MAGI1: variants seen among roughly 807,000 people sequenced by gnomAD.
MAGI1 encodes the protein membrane-associated guanylate kinase, WW and PDZ domain-containing protein 1.
Under a neutral mutation model 139.9 loss-of-function variants are expected in MAGI1, and 58 were observed. The observed-to-expected ratio is 0.41, with a 90% CI of 0.34 to 0.52. The LOEUF is 0.52. Ranked by LOEUF, MAGI1 falls within the 20% of genes least tolerant of loss-of-function variation. MAGI1 has a pLI of 0.12. For missense variants in MAGI1, 1,874 were observed against 1,901.6 expected (o/e 0.99, Z 0.27); for synonymous variants, 812 against 737.9 (o/e 1.10, Z -1.63).
chr3:65,901,110 T>A (rs1264849735), intron 1 of MAGI1, among the ~76,000 whole-genome samples: 2 of 152,340 alleles, frequency 1.3e-5, no homozygotes, highest in East Asian at 3.9e-4. Context: ...ACAGTAAACA[T>A]CCTCTTTTTA....
chr3:65,611,285 G>A (rs1272443234), intron 2 of MAGI1, among the ~76,000 whole-genome samples: 2 of 139,314 alleles, frequency 1.4e-5, no homozygotes, highest in African/African-American at 5.3e-5. Context: ...AAATAGTATA[G>A]TATACTATGT....
chr3:66,025,727 T>G (rs1166473442), intron 1 of MAGI1, among the ~76,000 whole-genome samples: 2 of 152,174 alleles, frequency 1.3e-5, no homozygotes, highest in African/African-American at 4.8e-5. Flanking sequence ...TGTGTATGTG[T>G]ACGTCTGGAT....
chr3:65,807,436 A>C (rs1401935658), intron 1 of MAGI1, among the ~76,000 whole-genome samples: 3 of 152,224 alleles, frequency 2.0e-5, no homozygotes, highest in East Asian at 3.9e-4. Flanking sequence ...ACTTAATCAC[A>C]GCCTAAAGGC....
At chr3:65,558,021 T>C (rs1559669309) in intron 2 of MAGI1, among the ~76,000 whole-genome samples, 1 of 152,124 alleles carries the variant, frequency 6.6e-6, no homozygotes, top group East Asian at 1.9e-4. Flanking sequence ...AACAATAAAA[T>C]AGGATCTGAT....
intron 1 of MAGI1, among the ~76,000 whole-genome samples, chr3:65,715,291 C>T (rs1004784865): frequency 7.2e-5 from 11 of 152,160 alleles, no homozygotes; most frequent in Non-Finnish European, 1.3e-4. Flanking sequence ...ATAGTTTTTG[C>T]AGGTCATAAA....
At chr3:65,675,396 T>G (rs902189801) in intron 1 of MAGI1, among the ~76,000 whole-genome samples, 1 of 152,184 alleles carries the variant, frequency 6.6e-6, no homozygotes. Context: ...TGCCAAAGTA[T>G]AAATGGTGAT....
chr3:65,987,347 G>C (rs1401835956), intron 1 of MAGI1, among the ~76,000 whole-genome samples: 2 of 152,132 alleles, frequency 1.3e-5, no homozygotes, highest in East Asian at 3.9e-4. Flanking sequence ...CATCAGTACC[G>C]ACCCCTCAGG....
chr3:65,659,707 G>C (rs2107374255), intron 1 of MAGI1, among the ~76,000 whole-genome samples: 1 of 152,222 alleles, frequency 6.6e-6, no homozygotes, highest in Non-Finnish European at 1.5e-5. Context: ...CTTGCTACTT[G>C]AACTATTTTC....
At chr3:65,570,073 C>CATT (rs57902043) in intron 2 of MAGI1, among the ~76,000 whole-genome samples, 5,894 of 136,248 alleles carry the variant, frequency 0.043, 147 homozygotes, top group African/African-American at 0.046. Context: ...TCTTTATTAT[C>CATT]ATTATTATTA....
intron 6 of MAGI1, among the ~76,000 whole-genome samples, chr3:65,449,286 AT>A (rs1189271051): frequency 6.6e-6 from 1 of 152,226 alleles, no homozygotes; most frequent in African/African-American, 2.4e-5. Flanking sequence ...TAATAAAAAA[AT>A]GATCCCACTG....
chr3:65,890,892 G>A (rs1008709938), intron 1 of MAGI1, among the ~76,000 whole-genome samples: 1 of 152,136 alleles, frequency 6.6e-6, no homozygotes, highest in Non-Finnish European at 1.5e-5. Flanking sequence ...AAAATAAAAT[G>A]TATCGCCTCG....
chr3:65,885,413 A>G (rs1448986966), intron 1 of MAGI1, among the ~76,000 whole-genome samples: 1 of 151,366 alleles, frequency 6.6e-6, no homozygotes, highest in African/African-American at 2.4e-5. Flanking sequence ...AAAAAAAAAT[A>G]GTTTTCACAT....
intron 1 of MAGI1, among the ~76,000 whole-genome samples, chr3:65,985,419 A>C (rs1181481133): frequency 6.6e-6 from 1 of 152,186 alleles, no homozygotes; most frequent in Non-Finnish European, 1.5e-5. Context: ...AGTTAGAATT[A>C]GTTGGTATAC....
intron 1 of MAGI1, among the ~76,000 whole-genome samples, chr3:65,859,288 C>T (rs954331044): frequency 2.7e-5 from 4 of 150,612 alleles, no homozygotes; most frequent in African/African-American, 7.3e-5. Context: ...AGTGAGACTC[C>T]GTCTACAAAA....
At chr3:65,648,633 A>G (rs1392987966) in intron 1 of MAGI1, among the ~76,000 whole-genome samples, 2 of 152,218 alleles carry the variant, frequency 1.3e-5, no homozygotes, top group African/African-American at 4.8e-5. Context: ...TAAATATAGT[A>G]TAATTCTCTT....
chr3:65,457,037 TG>T (rs1487612657), intron 5 of MAGI1, among the ~76,000 whole-genome samples: 118 of 152,296 alleles, frequency 7.7e-4, no homozygotes, highest in African/African-American at 2.8e-3. Context: ...CTCTTTCCTT[TG>T]CCTTTCCATT....
At chr3:65,903,817 G>A (rs980969797) in intron 1 of MAGI1, among the ~76,000 whole-genome samples, 1 of 152,036 alleles carries the variant, frequency 6.6e-6, no homozygotes, top group Non-Finnish European at 1.5e-5. Context: ...AAACCAGCCT[G>A]GCCAATGTGG....
At chr3:65,536,040 T>C (rs1319571038) in intron 2 of MAGI1, among the ~76,000 whole-genome samples, 1 of 152,214 alleles carries the variant, frequency 6.6e-6, no homozygotes, top group Non-Finnish European at 1.5e-5. Flanking sequence ...TAAACTCCTG[T>C]TCACTTTGGG....
Position 65,610,977 on chromosome 3 carries a change from A to G in MAGI1, c.430+10995T>C, listed in dbSNP as rs1264780133. 3.6e-5 allele frequency among the ~76,000 whole-genome samples: 5 copies of G among 138,232 alleles called. No individual in the cohort carries two copies. The Admixed American group carries it at 3.8e-4, about 10-fold the overall frequency. 90.7% of individuals were successfully genotyped at this position (138,232 alleles called of 152,430 possible). ...ATACTATATAGTATATAGACACTATATAGTAGATAGTATATATACTATATA... is the reference window on the plus strand; with the variant it reads ...ATACTATATAGTATATAGACACTATGTAGTAGATAGTATATATACTATATA... On this transcript the variant is annotated intron_variant, in intron 2 of 22. Coordinates refer to ENST00000402939, the MANE Select transcript of MAGI1 (RefSeq NM_001033057.2).
Sources: gnomAD v4.1 joint callset for allele counts (sites outside exome capture counted in the v4.1 genomes callset) on GRCh38, gnomAD v4.1.1 for gene constraint, MANE v1.5 for transcripts, NCBI Gene and HGNC (gene_info 2026-07-23, HGNC 2026-07-21) for gene names.